SNX29: variants seen among roughly 807,000 people sequenced by gnomAD.
The protein encoded by SNX29 is sorting nexin-29.
A neutral mutation model predicts 102.1 loss-of-function variants in SNX29; 78 were observed. The ratio of observed to expected loss-of-function variants is 0.76; its 90% CI spans 0.64 to 0.92. The LOEUF (loss-of-function observed/expected upper bound fraction) is 0.92, where lower values mean the gene tolerates loss of function less well. Among genes scored for constraint, SNX29 ranks in the 40% least tolerant of loss-of-function variants. The probability of loss-of-function intolerance (pLI) is 0.00; values close to 1 mark genes in which losing one functional copy is unlikely to be tolerated. For missense variants in SNX29, 1,280 were observed against 1,061.7 expected, an observed-to-expected ratio of 1.21 and a Z score of -2.86; for synonymous variants, 580 against 414.5, an observed-to-expected ratio of 1.40 and a Z score of -4.85.
chr16:12,431,305 C>G (rs1418105365), intron 18 of SNX29, among the ~76,000 whole-genome samples: 1 of 151,684 alleles, frequency 6.6e-6, no homozygotes, highest in Admixed American at 6.6e-5. Flanking sequence ...CGAAACAGTG[C>G]AGATCCTGAG....
At position 12,543,438 on chromosome 16, in the gene SNX29, C is replaced by G. The variant is rs889114308; in HGVS notation, c.2318+18597C>G. ...AAAGGAGAGAAAGTGGGTGGGCAAA[C>G]ATATGTTCATGCTGCGGGGTCTGGT... is the stretch of plus-strand genomic sequence containing the variant. On this transcript the variant is annotated intron_variant, in intron 20 of 20. Coordinates refer to ENST00000566228, the MANE Select transcript of SNX29 (RefSeq NM_032167.5). Among the ~76,000 whole-genome samples the G allele has an allele frequency of 2.0e-5, 3 of 152,324 alleles. No individual in the cohort carries two copies. In the East Asian group the frequency reaches 5.8e-4, roughly 29 times the overall value.
intron 18 of SNX29, among the ~76,000 whole-genome samples, chr16:12,468,601 G>A (rs1209671859): frequency 1.3e-5 from 2 of 152,066 alleles, no homozygotes; most frequent in East Asian, 3.8e-4. Flanking sequence ...GTTTCTATGG[G>A]TGATTATTGG....
chr16:12,511,085 T>G (rs2089597840), intron 19 of SNX29, among the ~76,000 whole-genome samples: 1 of 152,208 alleles, frequency 6.6e-6, no homozygotes, highest in Admixed American at 6.5e-5. Flanking sequence ...GACATAAAGA[T>G]GAGATTTCAT....
intron 15 of SNX29, among the ~76,000 whole-genome samples, chr16:12,315,685 C>A (rs1345590819): frequency 6.6e-6 from 1 of 152,144 alleles, no homozygotes; most frequent in Non-Finnish European, 1.5e-5. Flanking sequence ...TGGACTTTGC[C>A]CCTCTACAAC....
intron 3 of SNX29, among the ~76,000 whole-genome samples, chr16:12,022,381 A>G (rs1260073130): frequency 6.6e-6 from 1 of 151,938 alleles, no homozygotes; most frequent in East Asian, 1.9e-4. Flanking sequence ...TTGTATTTTT[A>G]GTAGAAATGG....
chr16:12,509,224 G>T (rs2089504459), intron 19 of SNX29, among the ~76,000 whole-genome samples: 1 of 152,182 alleles, frequency 6.6e-6, no homozygotes, highest in African/African-American at 2.4e-5. Flanking sequence ...GTCACAGTTG[G>T]AATCGAGTGT....
At chr16:12,022,460 CAA>C (rs895430351) in intron 3 of SNX29, among the ~76,000 whole-genome samples, 2 of 152,268 alleles carry the variant, frequency 1.3e-5, no homozygotes, top group Non-Finnish European at 2.9e-5. Context: ...CTCAGCCTCC[CAA>C]AGTGTTGGGA....
chr16:12,496,297 G>C (rs985909515), intron 19 of SNX29, among the ~76,000 whole-genome samples: 1 of 152,158 alleles, frequency 6.6e-6, no homozygotes, highest in African/African-American at 2.4e-5. Context: ...TTGTGTTTCC[G>C]TGGTGGTGGT....
chr16:12,306,065 G>C (rs1040932100), intron 15 of SNX29, among the ~76,000 whole-genome samples: 1 of 151,836 alleles, frequency 6.6e-6, no homozygotes, highest in Non-Finnish European at 1.5e-5. Context: ...CCTCAGCCAG[G>C]CACCTGCATG....
intron 15 of SNX29, among the ~76,000 whole-genome samples, chr16:12,341,758 G>A (rs929532708): frequency 3.9e-5 from 6 of 152,296 alleles, no homozygotes; most frequent in East Asian, 1.9e-4. Context: ...CCTGGAACTC[G>A]TTGGCCCTAA....
chr16:12,565,568 C>T (rs946593792), intron 20 of SNX29, among the ~76,000 whole-genome samples: 2 of 152,112 alleles, frequency 1.3e-5, no homozygotes, highest in African/African-American at 4.8e-5. Flanking sequence ...CAGAAGCCTA[C>T]TGTCACACCC....
intron 20 of SNX29, chr16:12,556,519 G>A (rs1049851629): frequency 6.6e-6 from 1 of 152,336 alleles, no homozygotes; most frequent in African/African-American, 2.4e-5. Context: ...GTTGCCAGAG[G>A]AAGTGACGAT....
At chr16:12,393,396 G>GCATGCATGCATGCATTCATTCATTCATT (rs2083603562) in intron 16 of SNX29, among the ~76,000 whole-genome samples, 1 of 122,400 alleles carries the variant, frequency 8.2e-6, no homozygotes, top group African/African-American at 2.8e-5. Flanking sequence ...ATTCATTCAT[G>GCATGCATGCATGCATTCATTCATTCATT]CATGCATGCA....
At position 12,456,900 on chromosome 16, in the gene SNX29, G is replaced by C. The variant is rs561503776; in HGVS notation, c.2038-20819G>C. On this transcript the variant is annotated intron_variant, in intron 18 of 20. Coordinates refer to ENST00000566228, the MANE Select transcript of SNX29 (RefSeq NM_032167.5). ...CCTCTGAACTCCCAGAAGGCCCGGG[G>C]CATTAGCATCTTGTCTGCCGATGGC... 1.2e-4 allele frequency among the ~76,000 whole-genome samples: 19 copies of C among 152,262 alleles called. 1 individual carries two copies. In the South Asian group the frequency reaches 3.9e-3, roughly 32 times the overall value.
At chr16:12,084,053 G>C (rs1473754315) in intron 11 of SNX29, among the ~76,000 whole-genome samples, 1 of 152,212 alleles carries the variant, frequency 6.6e-6, no homozygotes, top group Admixed American at 6.5e-5. Context: ...TACTACTGAA[G>C]AGAAGATGGT....
chr16:12,207,015 T>C (rs2077061982), intron 14 of SNX29, among the ~76,000 whole-genome samples: 1 of 152,050 alleles, frequency 6.6e-6, no homozygotes, highest in African/African-American at 2.4e-5. Flanking sequence ...GCACTTTTCT[T>C]CTTGAATCCA....
intron 14 of SNX29, among the ~76,000 whole-genome samples, chr16:12,223,293 A>T (rs1162666842): frequency 6.6e-6 from 1 of 152,164 alleles, no homozygotes; most frequent in African/African-American, 2.4e-5. Flanking sequence ...TGGGAGGCCG[A>T]GGCTGGAGGA....
chr16:12,551,838 C>A (rs1458967727), intron 20 of SNX29, among the ~76,000 whole-genome samples: 1 of 152,176 alleles, frequency 6.6e-6, no homozygotes, highest in Non-Finnish European at 1.5e-5. Flanking sequence ...CACTTAGCTG[C>A]TGCTGGGGAC....
At chr16:12,567,867 A>T (rs2079077217) in intron 20 of SNX29, among the ~76,000 whole-genome samples, 1 of 152,140 alleles carries the variant, frequency 6.6e-6, no homozygotes, top group Non-Finnish European at 1.5e-5. Flanking sequence ...CCCCTAAAAA[A>T]TGTGCCGAGG....
Sources: gnomAD v4.1 joint callset for allele counts (sites outside exome capture counted in the v4.1 genomes callset) on GRCh38, gnomAD v4.1.1 for gene constraint, MANE v1.5 for transcripts, NCBI Gene and HGNC (gene_info 2026-07-23, HGNC 2026-07-21) for gene names.